KCNJ8: variants seen among roughly 807,000 people sequenced by gnomAD.
KCNJ8 encodes ATP-sensitive inward rectifier potassium channel 8.
KCNJ8 carries 13 observed loss-of-function variants against 28.2 expected under a neutral mutation model. That is an observed-to-expected ratio of 0.46 (90% CI 0.30 to 0.73). The LOEUF (loss-of-function observed/expected upper bound fraction) is 0.73. Among genes scored for constraint, KCNJ8 ranks in the 30% least tolerant of loss-of-function variants. The pLI is 0.07. For missense variants in KCNJ8, 284 were observed against 542.6 expected, an observed-to-expected ratio of 0.52 and a Z score of 4.73; for synonymous variants, 188 against 195.9, an observed-to-expected ratio of 0.96 and a Z score of 0.34.
chr12:21,774,227 TTTATAAG>T lies in KCNJ8; in HGVS notation c.-71+312_-71+318del, dbSNP rs766195090. The stretch of plus-strand genomic sequence containing the variant: ...TTATAATAAGTGGTGTGCTATAGAA[TTTATAAG>T]TTATAAGAATTATTTTAAATGCGAA... On this transcript the variant is annotated intron_variant, in intron 1 of 2. Coordinates refer to ENST00000240662, the MANE Select transcript of KCNJ8 (RefSeq NM_004982.4). Among the ~76,000 whole-genome samples the T allele has an allele frequency of 7.9e-5, 12 of 152,154 alleles. 1 individual carries two copies. Among genetic ancestry groups the T allele is most frequent in the African/African-American group, 2.7e-4 (11 of 41,422 alleles).
At chr12:21,770,634 T>C (rs182916858) in intron 2 of KCNJ8, among the ~76,000 whole-genome samples, 7 of 152,318 alleles carry the variant, frequency 4.6e-5, no homozygotes, top group Admixed American at 4.6e-4. Context: ...TAGGCTGAGG[T>C]TGGATCTGGG....
In KCNJ8 at chr12:21,773,679, C is replaced by T. The variant is rs1434672743; in HGVS notation, c.-63G>A. On this transcript the variant is annotated 5_prime_UTR_variant, in exon 2 of 3. Transcript: ENST00000240662. The surrounding 1 kb of genome is among the most constrained non-coding windows in gnomAD (Gnocchi z 4.6). The stretch of plus-strand genomic sequence containing the variant: ...CACCTGCCTCTCCGTCCCTGGACAC[C>T]CGTCCTCCTGCACGAGGGAAACATT... The T allele has an allele frequency of 3.7e-5, 59 of 1,600,478 alleles. No individual in the cohort carries two copies. Among genetic ancestry groups the T allele is most frequent in the Non-Finnish European group, 4.9e-5 (58 of 1,176,830 alleles).
chr12:21,774,614 C>A lies in KCNJ8; in HGVS notation c.-139G>T, dbSNP rs1940850877. 6.6e-6 allele frequency: 1 copy of A among 152,222 alleles called. No individual in the cohort carries two copies. Among genetic ancestry groups the A allele is most frequent in the African/African-American group, 2.4e-5 (1 of 41,444 alleles). The allele number at this position is 152,222 out of a possible 1,614,324, so 9.4% of individuals were successfully genotyped here. A position where few individuals can be genotyped will look rare whatever the true frequency, so the allele number is the denominator to read the frequency against. On this transcript the variant is annotated 5_prime_UTR_variant, in exon 1 of 3. Transcript: ENST00000240662. Reference sequence around the variant, plus strand: ...GCCGGCGGGCCGCGGGCAGGTCCCTCGCTCTCCCATGCTGGCGCGCGGGAC... The same window carrying A: ...GCCGGCGGGCCGCGGGCAGGTCCCTAGCTCTCCCATGCTGGCGCGCGGGAC...
intron 2 of KCNJ8, among the ~76,000 whole-genome samples, chr12:21,769,175 C>T (rs1045555738): frequency 1.2e-4 from 18 of 152,278 alleles, no homozygotes; most frequent in African/African-American, 4.3e-4. Context: ...CAGCTGGTAA[C>T]ATCAAGTTGA....
Position 21,765,188 on chromosome 12 carries a change from C to A in KCNJ8, c.*535G>T, listed in dbSNP as rs1461849277. ...GACAGACAAAGCGAATGAACTGAAT[C>A]CACTTACAAACAGATCCACTTAAGC... On this transcript the variant is annotated 3_prime_UTR_variant, in exon 3 of 3. Transcript: ENST00000240662. 2.7e-5 allele frequency: 5 copies of A among 185,710 alleles called. No individual in the cohort carries two copies. The highest frequency in any genetic ancestry group is 5.6e-5 in the Non-Finnish European group (5 of 88,612). The allele number at this position is 185,710 out of a possible 1,614,324, so 11.5% of individuals were successfully genotyped here. A position where few individuals can be genotyped will look rare whatever the true frequency, so the allele number is the denominator to read the frequency against.
intron 2 of KCNJ8, among the ~76,000 whole-genome samples, chr12:21,769,718 G>A (rs553605103): frequency 6.6e-6 from 1 of 152,176 alleles, no homozygotes; most frequent in African/African-American, 2.4e-5. Context: ...TAATTCTCAT[G>A]AATGAGTTTG....
At position 21,765,655 on chromosome 12, in the gene KCNJ8, T is replaced by G. The variant is rs1940600283; in HGVS notation, c.*68A>C. 7.6e-6 allele frequency: 10 copies of G among 1,317,468 alleles called. No homozygotes were observed. Among genetic ancestry groups the G allele is most frequent in the Non-Finnish European group, 1.1e-5 (10 of 910,216 alleles). The allele number at this position is 1,317,468 out of a possible 1,614,324, so 81.6% of individuals were successfully genotyped here. ...CACATTATTGTGTTCCAGCTCTGGTTCAGTCTGGCAGTGCCCAGCATAAAC... is the reference window on the plus strand; with the variant it reads ...CACATTATTGTGTTCCAGCTCTGGTGCAGTCTGGCAGTGCCCAGCATAAAC... On this transcript the variant is annotated 3_prime_UTR_variant, in exon 3 of 3. Coordinates refer to ENST00000240662, the MANE Select transcript of KCNJ8 (RefSeq NM_004982.4).
chr12:21,773,527 G>GCGGTCT lies in KCNJ8; in HGVS notation c.84_89dup (p.Asp29_Arg30dup). 1 of 1,614,250 alleles carries GCGGTCT rather than the reference G, an allele frequency of 6.2e-7. No individual in the cohort carries two copies. The highest frequency in any genetic ancestry group is 8.5e-7 in the Non-Finnish European group (1 of 1,180,054). ...TGGCGATGAAGCGGGCTTTGGGGAG[G>GCGGTCT]CGGTCTCGGATGCGCGGCTTGCGCA... On this transcript the variant is annotated inframe_insertion, in exon 2 of 3. Transcript: ENST00000240662. The surrounding 1 kb of genome is among the most constrained non-coding windows in gnomAD (Gnocchi z 4.6).
Position 21,773,683 on chromosome 12 carries a change from C to T in KCNJ8, c.-67G>A. Reference sequence around the variant, plus strand: ...TGCCTCTCCGTCCCTGGACACCCGTCCTCCTGCACGAGGGAAACATTTATT... The same window carrying T: ...TGCCTCTCCGTCCCTGGACACCCGTTCTCCTGCACGAGGGAAACATTTATT... On this transcript the variant is annotated 5_prime_UTR_variant, in exon 2 of 3. Coordinates refer to ENST00000240662, the MANE Select transcript of KCNJ8 (RefSeq NM_004982.4). This position sits in a 1 kb window ranked among gnomAD's most constrained non-coding sequence, Gnocchi z 4.6. The T allele has an allele frequency of 6.3e-7, 1 of 1,599,066 alleles. No individual in the cohort carries two copies. The highest frequency in any genetic ancestry group is 8.5e-7 in the Non-Finnish European group (1 of 1,176,100).
Position 21,773,775 on chromosome 12 carries a change from G to T in KCNJ8, c.-70-89C>A. 1 of 950,442 alleles carries T rather than the reference G, an allele frequency of 1.1e-6. No homozygotes were observed. The highest frequency in any genetic ancestry group is 1.6e-6 in the Non-Finnish European group (1 of 630,214). 58.9% of individuals were successfully genotyped at this position (950,442 alleles called of 1,614,324 possible). The stretch of plus-strand genomic sequence containing the variant: ...TGTATTCAAGGATATGTCTGTACAT[G>T]TGCGAGGTGACATGCAAAACCAAAA... On this transcript the variant is annotated intron_variant, in intron 1 of 2. Coordinates refer to ENST00000240662, the MANE Select transcript of KCNJ8 (RefSeq NM_004982.4). This position sits in a 1 kb window ranked among gnomAD's most constrained non-coding sequence, Gnocchi z 4.6.
rs1057521051 is a variant in KCNJ8, at chr12:21,766,533, G to A, written c.465C>T (p.Ala155=). ...TATTCTGGAGAATCAAAACCGTGAT[G>A]GCCAAAGGGCATTCCTCTGTCATCA... is the stretch of plus-strand genomic sequence containing the variant. The part of the protein sequence containing the change: ...GRMMTEECPL[A]ITVLILQNIV... The change falls in exon 3 of 3, where the codon GCC becomes GCT. Residue 155 remains alanine (A), a synonymous_variant. Transcript: ENST00000240662. This position sits in a 1 kb window ranked among gnomAD's most constrained non-coding sequence, Gnocchi z 6.5. The A allele has an allele frequency of 2.5e-6, 4 of 1,611,470 alleles. No homozygotes were observed. Among genetic ancestry groups the A allele is most frequent in the Non-Finnish European group, 3.4e-6 (4 of 1,179,802 alleles).
chr12:21,772,891 A>G (rs1017687402), intron 2 of KCNJ8, among the ~76,000 whole-genome samples: 1 of 152,200 alleles, frequency 6.6e-6, no homozygotes, highest in African/African-American at 2.4e-5. Context: ...GTGGGCACTG[A>G]AACTATGGAC....
chr12:21,767,903 A>G (rs7133951), intron 2 of KCNJ8, among the ~76,000 whole-genome samples: 4,193 of 152,192 alleles, frequency 0.028, 202 homozygotes, highest in African/African-American at 0.096. Context: ...ATTCTCACAA[A>G]ATTTCAAACT....
In KCNJ8 at chr12:21,773,114, G is replaced by T. The variant is rs1565661830; in HGVS notation, c.374+129C>A. ...GTGTTGTTCTTTATTGTGCTTTTTT[G>T]TTTCTGAAGATTCTAAAACAAACCC... On this transcript the variant is annotated intron_variant, in intron 2 of 2. Transcript: ENST00000240662. The surrounding 1 kb of genome is among the most constrained non-coding windows in gnomAD (Gnocchi z 4.6). The T allele has an allele frequency of 1.3e-5, 14 of 1,094,150 alleles. No homozygotes were observed. In the Admixed American group the frequency reaches 1.3e-4, roughly 10 times the overall value. The allele number at this position is 1,094,150 out of a possible 1,614,324, so 67.8% of individuals were successfully genotyped here. A position where few individuals can be genotyped will look rare whatever the true frequency, so the allele number is the denominator to read the frequency against.
chr12:21,769,257 C>T (rs1312048777), intron 2 of KCNJ8, among the ~76,000 whole-genome samples: 3 of 152,190 alleles, frequency 2.0e-5, no homozygotes, highest in Non-Finnish European at 2.9e-5. Context: ...TCTGCCTATG[C>T]TCTATAAGTA....
chr12:21,774,330 CT>C lies in KCNJ8; in HGVS notation c.-71+215del, dbSNP rs113701092. 7.0e-3 allele frequency among the ~76,000 whole-genome samples: 888 copies of C among 126,940 alleles called. 4 individuals carry two copies. Among genetic ancestry groups the C allele is most frequent in the African/African-American group, 9.4e-3 (330 of 34,998 alleles). 83.3% of individuals were successfully genotyped at this position (126,940 alleles called of 152,430 possible). A position where few individuals can be genotyped will look rare whatever the true frequency, so the allele number is the denominator to read the frequency against. On this transcript the variant is annotated intron_variant, in intron 1 of 2. Coordinates refer to ENST00000240662, the MANE Select transcript of KCNJ8 (RefSeq NM_004982.4). ...AAATCATAATATTATAAATTGAAAA[CT>C]TTTTTTTTTTTTTTTTTTTACAACG...
intron 2 of KCNJ8, among the ~76,000 whole-genome samples, chr12:21,768,617 G>A (rs1940690312): frequency 6.6e-6 from 1 of 152,232 alleles, no homozygotes; most frequent in African/African-American, 2.4e-5. Context: ...GTTTAGGCCT[G>A]TTGTGCCAAA....
In KCNJ8 at chr12:21,773,744, G is replaced by T; in HGVS notation, c.-70-58C>A. Reference sequence around the variant, plus strand: ...AAACCCACCCTATCCTCACCTCTTGGGTCCTTGTATTCAAGGATATGTCTG... The same window carrying T: ...AAACCCACCCTATCCTCACCTCTTGTGTCCTTGTATTCAAGGATATGTCTG... On this transcript the variant is annotated intron_variant, in intron 1 of 2. Transcript: ENST00000240662. The surrounding 1 kb of genome is among the most constrained non-coding windows in gnomAD (Gnocchi z 4.6). 1.5e-6 allele frequency: 2 copies of T among 1,305,512 alleles called. No individual in the cohort carries two copies. Among genetic ancestry groups the T allele is most frequent in the Middle Eastern group, 2.6e-4 (1 of 3,818 alleles). The allele number at this position is 1,305,512 out of a possible 1,614,324, so 80.9% of individuals were successfully genotyped here.
At chr12:21,771,426 A>G (rs1337658659) in intron 2 of KCNJ8, among the ~76,000 whole-genome samples, 1 of 152,198 alleles carries the variant, frequency 6.6e-6, no homozygotes, top group Non-Finnish European at 1.5e-5. Context: ...AAGAGGAAAT[A>G]TATTGGTCTA....
Sources: gnomAD v4.1 joint callset for allele counts (sites outside exome capture counted in the v4.1 genomes callset) on GRCh38, gnomAD v4.1.1 for gene constraint, Gnocchi (gnomAD v3.1) non-coding constraint, MANE v1.5 for transcripts, NCBI Gene and HGNC (gene_info 2026-07-23, HGNC 2026-07-21) for gene names.